COL14A1: variants seen among roughly 807,000 people sequenced by gnomAD.
COL14A1 encodes collagen alpha-1(XIV) chain.
Under a neutral mutation model 230.3 loss-of-function variants are expected in COL14A1, and 136 were observed. The ratio of observed to expected loss-of-function variants is 0.59; its 90% confidence interval spans 0.51 to 0.68. The LOEUF is 0.68. Among genes scored for constraint, COL14A1 ranks in the 30% least tolerant of loss-of-function variants. The pLI is 0.00. For missense variants in COL14A1, 1,976 were observed against 2,215.8 expected, an observed-to-expected ratio of 0.89 and a Z score of 2.17; for synonymous variants, 792 against 784.1, an observed-to-expected ratio of 1.01 and a Z score of -0.17.
At chr8:120,248,846 C>T (rs543287023) in intron 21 of COL14A1, among the ~76,000 whole-genome samples, 1 of 151,780 alleles carries the variant, frequency 6.6e-6, no homozygotes, top group Non-Finnish European at 1.5e-5. Flanking sequence ...CAAAGCAAGA[C>T]CCTGTCTCAA....
intron 5 of COL14A1, among the ~76,000 whole-genome samples, chr8:120,186,415 G>A (rs1290643010): frequency 9.2e-5 from 14 of 152,186 alleles, no homozygotes; most frequent in Admixed American, 9.2e-4. Context: ...CTTGTGTAAT[G>A]AATGGCTGAG....
At chr8:120,315,418 G>T in intron 38 of COL14A1, 115 bp from the exon 39 acceptor site, 3 of 593,630 alleles carry the variant, frequency 5.1e-6, no homozygotes, top group Non-Finnish European at 6.0e-6. Flanking sequence ...ATTCTGTTTA[G>T]ATGTTAGTGC....
At chr8:120,307,097 G>T (rs1820877965) in intron 36 of COL14A1, among the ~76,000 whole-genome samples, 1 of 152,198 alleles carries the variant, frequency 6.6e-6, no homozygotes, top group Non-Finnish European at 1.5e-5. Context: ...AAGGACTTGT[G>T]CTTGCTCTAG....
intron 23 of COL14A1, among the ~76,000 whole-genome samples, chr8:120,259,420 T>A (rs1192252305): frequency 6.6e-6 from 1 of 152,172 alleles, no homozygotes; most frequent in South Asian, 2.1e-4. Flanking sequence ...AAAAAATAAA[T>A]TAACTTCCTC....
intron 34 of COL14A1, among the ~76,000 whole-genome samples, chr8:120,296,128 C>T (rs2129996537): frequency 6.6e-6 from 1 of 151,692 alleles, no homozygotes; most frequent in Non-Finnish European, 1.5e-5. Context: ...CCTGGACAGT[C>T]TCAGTTATCA....
chr8:120,138,934 G>A (rs746952564), intron 1 of COL14A1, among the ~76,000 whole-genome samples: 8 of 152,156 alleles, frequency 5.3e-5, no homozygotes, highest in African/African-American at 7.2e-5. Context: ...TATATAAAAT[G>A]TGGAGTTGAG....
chr8:120,239,409 T>C (rs538073118), intron 19 of COL14A1, among the ~76,000 whole-genome samples: 1 of 152,330 alleles, frequency 6.6e-6, no homozygotes, highest in East Asian at 1.9e-4. Flanking sequence ...AATGGGAAGT[T>C]ACTTTTATTT....
intron 5 of COL14A1, among the ~76,000 whole-genome samples, chr8:120,174,262 ATTT>A (rs5894516): frequency 1.5e-4 from 22 of 146,380 alleles, no homozygotes; most frequent in African/African-American, 5.3e-4. Flanking sequence ...TTGGATTGGC[ATTT>A]TTTTTTTTTT....
chr8:120,290,931 T>A (rs1820356715), intron 34 of COL14A1, among the ~76,000 whole-genome samples: 1 of 152,348 alleles, frequency 6.6e-6, no homozygotes, highest in South Asian at 2.1e-4. Flanking sequence ...AGTTGAAGTA[T>A]CTTTAAAAGT....
chr8:120,216,274 G>A, intron 13 of COL14A1, 77 bp from the exon 14 acceptor site: 2 of 1,204,452 alleles, frequency 1.7e-6, no homozygotes, highest in Non-Finnish European at 2.3e-6. Context: ...AAATAGTTTA[G>A]AAGTCAAAGA....
At chr8:120,346,751 C>T (rs1050174060) in intron 45 of COL14A1, among the ~76,000 whole-genome samples, 1 of 152,152 alleles carries the variant, frequency 6.6e-6, no homozygotes, top group Non-Finnish European at 1.5e-5. Flanking sequence ...CCCATGAACA[C>T]CTGATGCCCT....
At chr8:120,260,958 A>G (rs1819303818) in intron 23 of COL14A1, among the ~76,000 whole-genome samples, 1 of 152,194 alleles carries the variant, frequency 6.6e-6, no homozygotes, top group African/African-American at 2.4e-5. Flanking sequence ...AGAGTTCTGA[A>G]TGCAGGGGGA....
intron 2 of COL14A1, among the ~76,000 whole-genome samples, chr8:120,150,509 G>A (rs1815246218): frequency 6.6e-6 from 1 of 152,156 alleles, no homozygotes; most frequent in Non-Finnish European, 1.5e-5. Context: ...CAAGTTTCTT[G>A]ATGGAGACCT....
chr8:120,234,087 T>C (rs1818365265), intron 19 of COL14A1, among the ~76,000 whole-genome samples: 2 of 144,256 alleles, frequency 1.4e-5, no homozygotes, highest in Non-Finnish European at 3.0e-5. Context: ...CAATTGTGAA[T>C]AGGAGTTCGC....
chr8:120,206,120 G>T (rs571923789), intron 9 of COL14A1, among the ~76,000 whole-genome samples: 3 of 152,044 alleles, frequency 2.0e-5, no homozygotes, highest in South Asian at 2.1e-4. Flanking sequence ...GCCTGTGTTC[G>T]CTGATGCTTA....
chr8:120,130,802 A>ATT (rs1814502023), intron 1 of COL14A1, among the ~76,000 whole-genome samples: 1 of 152,330 alleles, frequency 6.6e-6, no homozygotes, highest in South Asian at 2.1e-4. Context: ...AGTTTAGGGT[A>ATT]TGAATGATCC....
At chr8:120,182,707 AT>A (rs1462721362) in intron 5 of COL14A1, among the ~76,000 whole-genome samples, 133 of 143,664 alleles carry the variant, frequency 9.3e-4, no homozygotes, top group African/African-American at 3.4e-3. Flanking sequence ...AGCAAACTTA[AT>A]TTTTTTTATT....
chr8:120,203,394 A>T (rs1165416643), intron 8 of COL14A1, among the ~76,000 whole-genome samples: 1 of 151,916 alleles, frequency 6.6e-6, no homozygotes, highest in Non-Finnish European at 1.5e-5. Flanking sequence ...ACACAAGCAT[A>T]TAACAGCTTT....
intron 22 of COL14A1, among the ~76,000 whole-genome samples, chr8:120,253,319 T>C (rs919690922): frequency 3.3e-5 from 5 of 152,134 alleles, no homozygotes; most frequent in Non-Finnish European, 5.9e-5. Context: ...CTGTGATTTT[T>C]TACTGGTCTC....
Sources: allele counts gnomAD v4.1 joint callset (sites outside exome capture counted in the v4.1 genomes callset), GRCh38; gene constraint gnomAD v4.1.1; transcripts MANE v1.5; gene names NCBI Gene and HGNC (gene_info 2026-07-23, HGNC 2026-07-21).